The following B4GALNT1 variants were observed in gnomAD, a reference collection of about 807,000 sequenced individuals.
The protein encoded by B4GALNT1 is beta-1,4 N-acetylgalactosaminyltransferase 1.
Under a neutral mutation model 55.2 loss-of-function variants are expected in B4GALNT1, and 43 were observed. The observed-to-expected ratio is 0.78, with a 90% confidence interval of 0.61 to 1.00. B4GALNT1 has a LOEUF of 1.00. B4GALNT1 is among the 50% of genes least tolerant of loss of function. The pLI, the probability that B4GALNT1 is intolerant of heterozygous loss-of-function variation, is 0.00. For missense variants in B4GALNT1, 664 were observed against 729.7 expected, an observed-to-expected ratio of 0.91 and a Z score of 1.04; for synonymous variants, 305 against 311.6, an observed-to-expected ratio of 0.98 and a Z score of 0.22.
In B4GALNT1 at chr12:57,630,172, T is replaced by C. The variant is rs776271049; in HGVS notation, c.692A>G (p.Gln231Arg). 1 of 1,614,238 alleles carries C rather than the reference T, an allele frequency of 6.2e-7. No individual in the cohort carries two copies. Among genetic ancestry groups the C allele is most frequent in the South Asian group, 1.1e-5 (1 of 91,088 alleles). ...TGCACCTGTGTCTGCTGTGTTGGTC[T>C]GGTAGCTTCGGCTGCTGTAAGTGAC... Reference protein sequence around the residue: ...QLVTYSSRSYQTNTADTVRFS... With the variant: ...QLVTYSSRSYRTNTADTVRFS... The change falls in exon 6 of 11, where the codon CAG (glutamine) becomes CGG (arginine). Residue 231 changes from glutamine (Q) to arginine (R), a missense_variant. Gln to Arg is a conservative substitution (Grantham distance 43). Transcript: ENST00000341156.
chr12:57,627,602 A>G lies in B4GALNT1; in HGVS notation c.1384+16T>C. 1.9e-6 allele frequency: 3 copies of G among 1,568,562 alleles called. No individual in the cohort carries two copies. Among genetic ancestry groups the G allele is most frequent in the Non-Finnish European group, 2.6e-6 (3 of 1,151,630 alleles). On this transcript the variant is annotated intron_variant, in intron 10 of 10. Transcript: ENST00000341156. Reference sequence around the variant, plus strand: ...GGGGCTCCTGCCAGGGTCGACCGGGAGGGGGTGCCACTCACCCAGATGAGC... The same window carrying G: ...GGGGCTCCTGCCAGGGTCGACCGGGGGGGGGTGCCACTCACCCAGATGAGC...
chr12:57,625,730 G>C lies in B4GALNT1; in HGVS notation c.*1014C>G, dbSNP rs933807810. 2 of 1,529,306 alleles carry C rather than the reference G, an allele frequency of 1.3e-6. No individual in the cohort carries two copies. The allele number at this position is 1,529,306 out of a possible 1,614,324, so 94.7% of individuals were successfully genotyped here. On this transcript the variant is annotated 3_prime_UTR_variant, in exon 11 of 11. Transcript: ENST00000341156. ...CCAGGAGCGGGAGCCAGGAGGCACT[G>C]GGCTGCGGCAAGTGAGGCAGGGGTA... is the stretch of plus-strand genomic sequence containing the variant.
Position 57,626,646 on chromosome 12 carries a change from C to T in B4GALNT1, c.*98G>A, listed in dbSNP as rs1206666815. ...TGAGGAACTAGAGGCTCAGGGACAGCCAGTAGAGTGCTCACAGGGTGGTGG... is the reference window on the plus strand; with the variant it reads ...TGAGGAACTAGAGGCTCAGGGACAGTCAGTAGAGTGCTCACAGGGTGGTGG... On this transcript the variant is annotated 3_prime_UTR_variant, in exon 11 of 11. Coordinates refer to ENST00000341156, the MANE Select transcript of B4GALNT1 (RefSeq NM_001478.5). 2 of 1,369,988 alleles carry T rather than the reference C, an allele frequency of 1.5e-6. No homozygotes were observed. The highest frequency in any genetic ancestry group is 2.3e-5 in the East Asian group (1 of 43,586). 84.9% of individuals were successfully genotyped at this position (1,369,988 alleles called of 1,614,324 possible).
chr12:57,629,360 T>C (rs1352950979), intron 6 of B4GALNT1: 7 of 464,532 alleles, frequency 1.5e-5, no homozygotes, highest in Non-Finnish European at 2.6e-5. Flanking sequence ...TATTGAGCAC[T>C]TACTATGTGC....
chr12:57,630,582 C>A, intron 4 of B4GALNT1, 64 bp from the exon 5 acceptor site: 1 of 1,519,022 alleles, frequency 6.6e-7, no homozygotes, highest in South Asian at 1.3e-5. Context: ...CTCATTTTCT[C>A]TCCCTGCTGT....
rs1170522024 is a variant in B4GALNT1, at chr12:57,627,780, C to T, written c.1222G>A (p.Gly408Ser). The change falls in exon 10 of 11, where the codon GGC (glycine) becomes AGC (serine). Residue 408 changes from glycine (G) to serine (S), a missense_variant. Gly to Ser is a moderately conservative substitution (Grantham distance 56). Coordinates refer to ENST00000341156, the MANE Select transcript of B4GALNT1 (RefSeq NM_001478.5). ...CTTTGCCGGAGGCAGTTCCCGAGGC[C>T]TGGGGCGCCGGGCTCCACGCTCAGC... ...QLLSVEPGAP[G>S]LGNCLRQRRG... 6.2e-7 allele frequency: 1 copy of T among 1,602,482 alleles called. No individual in the cohort carries two copies. Among genetic ancestry groups the T allele is most frequent in the Admixed American group, 1.7e-5 (1 of 59,082 alleles).
At chr12:57,631,443 C>T in intron 2 of B4GALNT1, 79 bp from the exon 3 acceptor site, 1 of 1,511,618 alleles carries the variant, frequency 6.6e-7, no homozygotes, top group South Asian at 1.2e-5. Context: ...ACACAGCACC[C>T]CACACCTTGG....
chr12:57,632,642 C>G (rs960693757), intron 1 of B4GALNT1, 130 bp downstream of exon 1: 1 of 194,968 alleles, frequency 5.1e-6, no homozygotes, highest in Non-Finnish European at 1.1e-5. Context: ...GGAGGTGACC[C>G]GATGAGTGGC....
chr12:57,624,578 A>G lies in B4GALNT1; in HGVS notation c.*2166T>C. On this transcript the variant is annotated 3_prime_UTR_variant, in exon 11 of 11. Transcript: ENST00000341156. ...CCTGGCTGTGGGTGTGGTCTTCTCC[A>G]TGATGACTGTGGTCTGCCGCACCCG... 1.5e-6 allele frequency: 1 copy of G among 662,920 alleles called. No individual in the cohort carries two copies. Among genetic ancestry groups the G allele is most frequent in the Non-Finnish European group, 2.9e-6 (1 of 343,410 alleles). 41.1% of individuals were successfully genotyped at this position (662,920 alleles called of 1,614,324 possible).
rs1355743168 is a variant in B4GALNT1, at chr12:57,624,798, G to C, written c.*1946C>G. 1 of 1,462,356 alleles carries C rather than the reference G, an allele frequency of 6.8e-7. No individual in the cohort carries two copies. Among genetic ancestry groups the C allele is most frequent in the Non-Finnish European group, 9.6e-7 (1 of 1,042,208 alleles). 90.6% of individuals were successfully genotyped at this position (1,462,356 alleles called of 1,614,324 possible). A position where few individuals can be genotyped will look rare whatever the true frequency, so the allele number is the denominator to read the frequency against. On this transcript the variant is annotated 3_prime_UTR_variant, in exon 11 of 11. Transcript: ENST00000341156. The stretch of plus-strand genomic sequence containing the variant: ...CCACTCAGAGGAAGCCCCAGGGTGG[G>C]TGGGCTGCAGCCAAAGAAGGAAGGG...
intron 6 of B4GALNT1, chr12:57,629,940 G>A (rs542283902): frequency 1.2e-5 from 19 of 1,536,334 alleles, no homozygotes; most frequent in African/African-American, 4.1e-5. Flanking sequence ...CCCAAGGCTC[G>A]GGTTTCCCTC....
In B4GALNT1 at chr12:57,627,850, G is replaced by GC; in HGVS notation, c.1151dup (p.Ala385ArgfsTer53). 2 of 1,582,448 alleles carry GC rather than the reference G, an allele frequency of 1.3e-6. No homozygotes were observed. The highest frequency in any genetic ancestry group is 8.6e-7 in the Non-Finnish European group (1 of 1,163,078). ...CAAAGCCGGAGATCTCGCGCACCGC[G>GC]CCCCCCACCTGCAGGGAGAGGGAGG... On this transcript the variant is annotated frameshift_variant, in exon 10 of 11. Transcript: ENST00000341156. LOFTEE classifies it high-confidence loss of function.
rs1884598589 is a variant in B4GALNT1, at chr12:57,623,583, G to A, written c.*3161C>T. The A allele has an allele frequency of 3.8e-6, 2 of 532,360 alleles. No individual in the cohort carries two copies. Among genetic ancestry groups the A allele is most frequent in the Non-Finnish European group, 6.7e-6 (2 of 300,302 alleles). The allele number at this position is 532,360 out of a possible 1,614,324, so 33.0% of individuals were successfully genotyped here. A position where few individuals can be genotyped will look rare whatever the true frequency, so the allele number is the denominator to read the frequency against. On this transcript the variant is annotated 3_prime_UTR_variant, in exon 11 of 11. Transcript: ENST00000341156. Reference sequence around the variant, plus strand: ...CAACAGTGGCTTTTAAGGTGGAGGTGGGCTACAAAACTGGGGAACTTGAAC... The same window carrying A: ...CAACAGTGGCTTTTAAGGTGGAGGTAGGCTACAAAACTGGGGAACTTGAAC...
At position 57,623,936 on chromosome 12, in the gene B4GALNT1, G is replaced by C. The variant is rs942921127; in HGVS notation, c.*2808C>G. ...AAGGTAATGAGCAGAGGAGGCATGA[G>C]CATGGCTGGGAGGGGTAGCTGTATT... On this transcript the variant is annotated 3_prime_UTR_variant, in exon 11 of 11. Coordinates refer to ENST00000341156, the MANE Select transcript of B4GALNT1 (RefSeq NM_001478.5). 1.4e-5 allele frequency: 22 copies of C among 1,613,676 alleles called. No homozygotes were observed. The highest frequency in any genetic ancestry group is 1.7e-5 in the Non-Finnish European group (20 of 1,179,808).
Position 57,624,917 on chromosome 12 carries a change from T to C in B4GALNT1, c.*1827A>G. The C allele has an allele frequency of 6.2e-7, 1 of 1,614,166 alleles. No homozygotes were observed. The highest frequency in any genetic ancestry group is 2.2e-5 in the East Asian group (1 of 44,890). ...CCTGAGCTATCCAACACCACTGTAC[T>C]TTGGGACCCGTGGGCAGTTTCGCTG... On this transcript the variant is annotated 3_prime_UTR_variant, in exon 11 of 11. Transcript: ENST00000341156.
intron 2 of B4GALNT1, 74 bp downstream of exon 2, chr12:57,631,841 A>G: frequency 7.7e-7 from 1 of 1,291,558 alleles, no homozygotes. Flanking sequence ...ATCTGAGCCC[A>G]GCAGTGGAGA....
intron 6 of B4GALNT1, 133 bp from the exon 7 acceptor site, chr12:57,629,279 C>T: frequency 3.0e-6 from 2 of 658,426 alleles, no homozygotes; most frequent in Non-Finnish European, 4.8e-6. Flanking sequence ...AGGTTCTTAC[C>T]TTTATGGAAC....
chr12:57,631,930 T>C lies in B4GALNT1; in HGVS notation c.203A>G (p.Lys68Arg). ...PRYAHIPVRI[K>R]EQVVGLLAWN... Reference sequence around the variant, plus strand: ...CGGCACTCACCCCACTACTTGCTCCTTGATCCTGACCGGGATGTGTGCGTA... The same window carrying C: ...CGGCACTCACCCCACTACTTGCTCCCTGATCCTGACCGGGATGTGTGCGTA... The change falls in exon 2 of 11, where the codon AAG becomes AGG. Residue 68 changes from lysine to arginine, a missense_variant. Transcript: ENST00000341156. 3 of 1,436,266 alleles carry C rather than the reference T, an allele frequency of 2.1e-6. No individual in the cohort carries two copies. Among genetic ancestry groups the C allele is most frequent in the Non-Finnish European group, 2.7e-6 (3 of 1,094,760 alleles). 89.0% of individuals were successfully genotyped at this position (1,436,266 alleles called of 1,614,324 possible).
Position 57,625,836 on chromosome 12 carries a change from A to G in B4GALNT1, c.*908T>C. 2 of 1,382,764 alleles carry G rather than the reference A, an allele frequency of 1.4e-6. No individual in the cohort carries two copies. The highest frequency in any genetic ancestry group is 1.9e-6 in the Non-Finnish European group (2 of 1,060,260). 85.7% of individuals were successfully genotyped at this position (1,382,764 alleles called of 1,614,324 possible). ...AGAAAAGGGTGGGGACGGAATGAAT[A>G]GTAGATTGAAGACCAAATCAGGGAG... is the stretch of plus-strand genomic sequence containing the variant. On this transcript the variant is annotated 3_prime_UTR_variant, in exon 11 of 11. Coordinates refer to ENST00000341156, the MANE Select transcript of B4GALNT1 (RefSeq NM_001478.5).
Sources: gnomAD v4.1 joint callset for allele counts on GRCh38, gnomAD v4.1.1 for gene constraint, MANE v1.5 for transcripts, NCBI Gene and HGNC (gene_info 2026-07-23, HGNC 2026-07-21) for gene names.